The following RBBP6 variants were observed in gnomAD, a reference collection of about 807,000 sequenced individuals.
RBBP6 encodes E3 ubiquitin-protein ligase RBBP6.
Under a neutral mutation model 167.7 loss-of-function variants are expected in RBBP6, and 25 were observed. The ratio of observed to expected loss-of-function variants is 0.15; its 90% confidence interval spans 0.11 to 0.21. RBBP6 has a LOEUF of 0.21. RBBP6 is among the 10% of genes least tolerant of loss of function. RBBP6 has a pLI of 1.00. For missense variants in RBBP6, 1,868 were observed against 2,134.2 expected, an observed-to-expected ratio of 0.88 and a Z score of 2.46; for synonymous variants, 789 against 735.8, an observed-to-expected ratio of 1.07 and a Z score of -1.17.
At position 24,571,070 on chromosome 16, in the gene RBBP6, C is replaced by T; in HGVS notation, c.4004C>T (p.Ser1335Phe). 6.2e-7 allele frequency: 1 copy of T among 1,611,200 alleles called. No individual in the cohort carries two copies. Among genetic ancestry groups the T allele is most frequent in the East Asian group, 2.2e-5 (1 of 44,828 alleles). ...GAATCTGAAGAAGAAGATGTTAAAT[C>T]CACACAGCCTATATCAAGTGTAGGA... is the stretch of plus-strand genomic sequence containing the variant. ...DFESEEEDVK[S>F]TQPISSVGKP... is the part of the protein sequence containing the mutation. The change falls in exon 18 of 18, where the codon TCC (serine) becomes TTC (phenylalanine). Residue 1335 changes from serine (S) to phenylalanine (F), a missense_variant. Ser to Phe is a radical substitution (Grantham distance 155, BLOSUM62 -2). Transcript: ENST00000319715.
intron 13 of RBBP6, 100 bp downstream of exon 13, chr16:24,563,764 C>T: frequency 1.9e-6 from 2 of 1,043,370 alleles, no homozygotes; most frequent in Non-Finnish European, 2.7e-6. Flanking sequence ...CCAAACTAGG[C>T]AGCGGGTCGC....
chr16:24,561,765 CTG>C (rs771271637), intron 9 of RBBP6, 50 bp downstream of exon 9: 7 of 1,606,058 alleles, frequency 4.4e-6, no homozygotes, highest in African/African-American at 1.3e-5. Context: ...ACTGATTTAA[CTG>C]TACTTCAGTG....
intron 5 of RBBP6, 40 bp from the exon 6 acceptor site, chr16:24,555,781 A>G (rs1485885826): frequency 1.9e-6 from 3 of 1,584,486 alleles, no homozygotes; most frequent in Admixed American, 1.7e-5. Flanking sequence ...CTATTTTTTC[A>G]AAGTCCTCGT....
Position 24,568,777 on chromosome 16 carries a change from CAAG to C in RBBP6, c.2091_2093del (p.Arg697del). On this transcript the variant is annotated inframe_deletion, in exon 17 of 18. Transcript: ENST00000319715. ...TCTCCCTATAGTGGTTCTTCGTATT[CAAG>C]AAGTTCATATACTTATTCTAAATCA... 1 of 1,613,982 alleles carries C rather than the reference CAAG, an allele frequency of 6.2e-7. No homozygotes were observed. Among genetic ancestry groups the C allele is most frequent in the Non-Finnish European group, 8.5e-7 (1 of 1,179,928 alleles).
chr16:24,565,567 T>C (rs1899174888), intron 14 of RBBP6, among the ~76,000 whole-genome samples: 1 of 152,232 alleles, frequency 6.6e-6, no homozygotes. Context: ...AACCCTGTTG[T>C]GAACTGCGTG....
In RBBP6 at chr16:24,568,864, G is replaced by A. The variant is rs779493561; in HGVS notation, c.2174G>A (p.Arg725His). The change falls in exon 17 of 18, where the codon CGT (arginine) becomes CAT (histidine). Residue 725 changes from arginine (R) to histidine (H), a missense_variant. Arg to His is a conservative substitution (Grantham distance 29). This residue lies in a region of RBBP6 where 673 missense variants were observed against 691.5 expected (regional missense o/e 0.97). Coordinates refer to ENST00000319715, the MANE Select transcript of RBBP6 (RefSeq NM_006910.5). Reference protein sequence around the residue: ...YSRSFSRSHSRSYSRSPPYPR... With the variant: ...YSRSFSRSHSHSYSRSPPYPR... Reference sequence around the variant, plus strand: ...CGATCATTCAGCCGCTCACATTCTCGTTCCTATTCACGGTCACCTCCATAC... The same window carrying A: ...CGATCATTCAGCCGCTCACATTCTCATTCCTATTCACGGTCACCTCCATAC... 5.6e-6 allele frequency: 9 copies of A among 1,614,044 alleles called. No individual in the cohort carries two copies. Among genetic ancestry groups the A allele is most frequent in the Admixed American group, 1.7e-5 (1 of 60,008 alleles).
At position 24,561,738 on chromosome 16, in the gene RBBP6, T is replaced by C. The variant is rs553093102; in HGVS notation, c.951+23T>C. Reference sequence around the variant, plus strand: ...CAGGTAACTGTCTGTATCCATTTTATGAAAAAATTCTTTTTAACTGATTTA... The same window carrying C: ...CAGGTAACTGTCTGTATCCATTTTACGAAAAAATTCTTTTTAACTGATTTA... On this transcript the variant is annotated intron_variant, in intron 9 of 17. Coordinates refer to ENST00000319715, the MANE Select transcript of RBBP6 (RefSeq NM_006910.5). 3.7e-6 allele frequency: 6 copies of C among 1,610,616 alleles called. No homozygotes were observed. In the African/African-American group the frequency reaches 6.7e-5, roughly 18 times the overall value.
intron 10 of RBBP6, among the ~76,000 whole-genome samples, chr16:24,562,701 A>AC (rs397968322): frequency 1.3e-4 from 19 of 149,440 alleles, no homozygotes; most frequent in African/African-American, 4.4e-4. Flanking sequence ...AAAAAAAAAA[A>AC]GGTGTAAGAG....
At position 24,540,412 on chromosome 16, in the gene RBBP6, T is replaced by TC; in HGVS notation, c.-210dup. The TC allele has an allele frequency of 2.3e-6, 1 of 436,398 alleles. No individual in the cohort carries two copies. Among genetic ancestry groups the TC allele is most frequent in the Non-Finnish European group, 4.1e-6 (1 of 245,208 alleles). 27.0% of individuals were successfully genotyped at this position (436,398 alleles called of 1,614,324 possible). ...CTCTTCCCCGTCCTCGTCCTCCTCC[T>TC]CCCCCATGAAGTGATTCTGAGTATC... On this transcript the variant is annotated 5_prime_UTR_variant, in exon 1 of 18. Transcript: ENST00000319715.
chr16:24,571,158 G>A lies in RBBP6; in HGVS notation c.4092G>A (p.Glu1364=). 3.1e-6 allele frequency: 5 copies of A among 1,613,638 alleles called. No homozygotes were observed. Among genetic ancestry groups the A allele is most frequent in the Non-Finnish European group, 4.2e-6 (5 of 1,179,624 alleles). The change falls in exon 18 of 18, where the codon GAG becomes GAA. Residue 1364 remains glutamate, a synonymous_variant. Transcript: ENST00000319715. The part of the protein sequence containing the change: ...TKPSNIVKYP[E]KESEPSEKIQ... Reference sequence around the variant, plus strand: ...CATCAAATATAGTCAAGTATCCTGAGAAAGAAAGTGAGCCATCCGAGAAAA... The same window carrying A: ...CATCAAATATAGTCAAGTATCCTGAAAAAGAAAGTGAGCCATCCGAGAAAA...
Position 24,562,125 on chromosome 16 carries a change from T to C in RBBP6, c.1253T>C (p.Ile418Thr). The change falls in exon 10 of 18, where the codon ATA becomes ACA. Residue 418 changes from isoleucine to threonine, a missense_variant. By Grantham distance (89) the Ile-to-Thr change is moderately conservative. Coordinates refer to ENST00000319715, the MANE Select transcript of RBBP6 (RefSeq NM_006910.5). Reference protein sequence around the residue: ...PVPDITATVSISVHSEKSDGP... With the variant: ...PVPDITATVSTSVHSEKSDGP... ...CCTGATATAACTGCAACAGTATCCA[T>C]ATCAGTTCATTCAGAAAAATCAGAT... is the stretch of plus-strand genomic sequence containing the variant. 6.2e-7 allele frequency: 1 copy of C among 1,612,966 alleles called. No individual in the cohort carries two copies. Among genetic ancestry groups the C allele is most frequent in the Non-Finnish European group, 8.5e-7 (1 of 1,179,444 alleles).
intron 17 of RBBP6, 149 bp downstream of exon 17, chr16:24,570,648 G>C: frequency 1.2e-6 from 1 of 867,586 alleles, no homozygotes; most frequent in Non-Finnish European, 1.6e-6. Context: ...CTTTGAAGAA[G>C]GGAATTGCCA....
intron 7 of RBBP6, chr16:24,558,672 G>C (rs536311799): frequency 5.4e-6 from 1 of 185,494 alleles, no homozygotes; most frequent in African/African-American, 2.4e-5. Flanking sequence ...GAAGATGGGG[G>C]TGTAGAAGCA....
rs61759885 is a variant in RBBP6 at position 24,569,227 on chromosome 16, C to T, written c.2537C>T (p.Ala846Val). 49 of 1,613,728 alleles carry T rather than the reference C, an allele frequency of 3.0e-5. No individual in the cohort carries two copies. The highest frequency in any genetic ancestry group is 3.8e-5 in the Non-Finnish European group (45 of 1,179,940). Residue 846 changes from alanine (A) to valine (V), a missense_variant, in exon 17 of 18, where the codon GCT (alanine) becomes GTT (valine). Coordinates refer to ENST00000319715, the MANE Select transcript of RBBP6 (RefSeq NM_006910.5). ...EWYEKYYKGYAAGAQPRPSAN... is the reference protein window; with the variant it reads ...EWYEKYYKGYVAGAQPRPSAN... ...TATGAAAAATATTATAAAGGTTATG[C>T]TGCTGGAGCACAGCCTAGACCCTCA... is the stretch of plus-strand genomic sequence containing the variant.
intron 2 of RBBP6, 116 bp downstream of exon 2, chr16:24,546,378 C>T (rs1017092696): frequency 1.8e-5 from 21 of 1,169,742 alleles, no homozygotes; most frequent in Middle Eastern, 6.3e-4. Flanking sequence ...ATGAATACAT[C>T]TTCTCAAGAC....
chr16:24,570,527 A>G (rs779960417), intron 17 of RBBP6, 28 bp downstream of exon 17: 10 of 1,512,382 alleles, frequency 6.6e-6, no homozygotes, highest in Non-Finnish European at 7.9e-6. Context: ...GTGGGTGTGG[A>G]ACTTTGTTGG....
chr16:24,556,625 T>A (rs904076593), intron 7 of RBBP6, among the ~76,000 whole-genome samples, 178 bp downstream of exon 7: 1 of 152,222 alleles, frequency 6.6e-6, no homozygotes, highest in Non-Finnish European at 1.5e-5. Flanking sequence ...TTAAAGCAAA[T>A]TTAAAATGGA....
chr16:24,571,184 T>C lies in RBBP6; in HGVS notation c.4118T>C (p.Ile1373Thr), dbSNP rs748320364. ...AAAGAAAGTGAGCCATCCGAGAAAA[T>C]TCAGAAATTCACCAAGGACGTGAGC... ...PEKESEPSEKIQKFTKDVSHE... is the reference protein window; with the variant it reads ...PEKESEPSEKTQKFTKDVSHE... The change falls in exon 18 of 18, where the codon ATT (isoleucine) becomes ACT (threonine). Residue 1373 changes from isoleucine (I) to threonine (T), a missense_variant. By Grantham distance (89) the Ile-to-Thr change is moderately conservative (BLOSUM62 -1). This residue lies in a region of RBBP6 where 591 missense variants were observed against 540.5 expected (regional missense o/e 1.09). Transcript: ENST00000319715. 36 of 1,613,532 alleles carry C rather than the reference T, an allele frequency of 2.2e-5. No individual in the cohort carries two copies. Among genetic ancestry groups the C allele is most frequent in the African/African-American group, 5.3e-5 (4 of 74,794 alleles).
At chr16:24,554,577 A>G (rs184302147) in intron 4 of RBBP6, 99 of 152,214 alleles carry the variant, frequency 6.5e-4, no homozygotes, top group African/African-American at 2.2e-3. Flanking sequence ...ATTCTAAAAC[A>G]TAAAGTGGAC....
Sources: allele counts gnomAD v4.1 joint callset (sites outside exome capture counted in the v4.1 genomes callset), GRCh38; gene constraint gnomAD v4.1.1; regional missense constraint gnomAD v4.1.1; transcripts MANE v1.5; gene names NCBI Gene and HGNC (gene_info 2026-07-23, HGNC 2026-07-21).